The following DOK2 variants were observed in gnomAD, a reference collection of about 807,000 sequenced individuals.
DOK2 encodes docking protein 2, also known as docking protein 2, 56kD.
In DOK2, 28 loss-of-function variants were observed where a neutral mutation model predicts 26.0. The ratio of observed to expected loss-of-function variants is 1.08; its 90% CI spans 0.80 to 1.48. The LOEUF (loss-of-function observed/expected upper bound fraction) is 1.48, where lower values mean the gene tolerates loss of function less well. Ranked by LOEUF, DOK2 falls within the 40% of genes most tolerant of loss-of-function variation. The probability of loss-of-function intolerance (pLI) is 0.00; values close to 1 mark genes in which losing one functional copy is unlikely to be tolerated. For synonymous variants in DOK2, 282 were observed against 236.9 expected (o/e 1.19, Z -1.75); for missense variants, 682 against 558.2 (o/e 1.22, Z -2.23).
In DOK2 at chr8:21,912,043, G is replaced by A. The variant is rs1189327116; in HGVS notation, c.346-55C>T. On this transcript the variant is annotated intron_variant, in intron 2 of 4. Transcript: ENST00000276420. ...TTCCCCGATCCCCAGGCCCCCCTCT[G>A]GCCCAGGCCTTCTTTCAGGCCACCT... The A allele has an allele frequency of 2.7e-5, 41 of 1,521,284 alleles. No individual in the cohort carries two copies. In the East Asian group the frequency reaches 9.8e-4, roughly 36 times the overall value. 94.2% of individuals were successfully genotyped at this position (1,521,284 alleles called of 1,614,324 possible).
At chr8:21,913,413 G>C in intron 1 of DOK2, 126 bp downstream of exon 1, 2 of 1,124,146 alleles carry the variant, frequency 1.8e-6, no homozygotes, top group Non-Finnish European at 2.5e-6. Flanking sequence ...GTTGAGCTCT[G>C]GGTCTAACTT....
intron 4 of DOK2, among the ~76,000 whole-genome samples, chr8:21,910,397 G>A (rs1444475254): frequency 1.3e-5 from 2 of 152,142 alleles, no homozygotes; most frequent in South Asian, 2.1e-4. Context: ...CAGAGACTTG[G>A]CTCTCTCCTC....
chr8:21,911,212 A>G (rs1485322346), intron 3 of DOK2: 2 of 252,548 alleles, frequency 7.9e-6, no homozygotes, highest in Non-Finnish European at 1.5e-5. Flanking sequence ...TCACAGCTGC[A>G]GGTGAAGCCT....
chr8:21,912,017 CT>C, intron 2 of DOK2, 29 bp from the exon 3 acceptor site: 1 of 1,539,974 alleles, frequency 6.5e-7, no homozygotes. Context: ...GTCTCATCAC[CT>C]TCCCCGATCC....
chr8:21,913,496 C>A (rs755354125), intron 1 of DOK2, 43 bp downstream of exon 1: 6 of 1,611,296 alleles, frequency 3.7e-6, no homozygotes, highest in Non-Finnish European at 4.2e-6. Context: ...TTCTAGCAGC[C>A]TCCCAGGCCC....
Position 21,909,417 on chromosome 8 carries a change from G to A in DOK2, c.1133C>T (p.Pro378Leu). The A allele has an allele frequency of 1.9e-6, 3 of 1,611,886 alleles. No homozygotes were observed. The highest frequency in any genetic ancestry group is 2.2e-5 in the South Asian group (2 of 90,882). ...WRRQATADRDPAGLQHVQPAG... is the reference protein window; with the variant it reads ...WRRQATADRDLAGLQHVQPAG... ...TGGCTGGACATGCTGGAGGCCAGCA[G>A]GGTCCCTGTCAGCTGTCGCCTGCCT... is the stretch of plus-strand genomic sequence containing the variant. Residue 378 changes from proline to leucine, a missense_variant, in exon 5 of 5, where the codon CCT (proline) becomes CTT (leucine). Coordinates refer to ENST00000276420, the MANE Select transcript of DOK2 (RefSeq NM_003974.4).
rs760515264 is a variant in DOK2, at chr8:21,912,498, A to G, written c.76T>C (p.Phe26Leu). 3.3e-6 allele frequency: 5 copies of G among 1,523,450 alleles called. No homozygotes were observed. In the East Asian group the frequency reaches 1.2e-4, roughly 37 times the overall value. 94.4% of individuals were successfully genotyped at this position (1,523,450 alleles called of 1,614,324 possible). A position where few individuals can be genotyped will look rare whatever the true frequency, so the allele number is the denominator to read the frequency against. The change falls in exon 2 of 5, where the codon TTC (phenylalanine) becomes CTC (leucine). Residue 26 changes from phenylalanine (F) to leucine (L), a missense_variant. Transcript: ENST00000276420. ...GACCCTCCATACAGTGAGGCGCCGA[A>G]GCGGCGCCATTTCTGTGCCAGAGGC... The part of the protein sequence containing the change: ...QQTFGKKWRR[F>L]GASLYGGSDC...
chr8:21,912,122 G>A, intron 2 of DOK2, 107 bp downstream of exon 2: 2 of 1,465,966 alleles, frequency 1.4e-6, no homozygotes, highest in Admixed American at 4.7e-5. Context: ...CATGGAGGAA[G>A]CACCCCATCA....
rs1357991578 is a variant in DOK2 at position 21,912,328 on chromosome 8, A to G, written c.246T>C (p.Ser82=). 10 of 1,607,380 alleles carry G rather than the reference A, an allele frequency of 6.2e-6. No individual in the cohort carries two copies. The highest frequency in any genetic ancestry group is 8.5e-6 in the Non-Finnish European group (10 of 1,178,386). ...GGEASSPRDT[S]AFFLETKERL... ...GCTCCTTGGTCTCCAGGAAGAAGGCACTGGTGTCCCGGGGGCTGCTGGCCT... is the reference window on the plus strand; with the variant it reads ...GCTCCTTGGTCTCCAGGAAGAAGGCGCTGGTGTCCCGGGGGCTGCTGGCCT... The change falls in exon 2 of 5, where the codon AGT becomes AGC. Residue 82 remains serine, a synonymous_variant. Coordinates refer to ENST00000276420, the MANE Select transcript of DOK2 (RefSeq NM_003974.4).
Position 21,910,811 on chromosome 8 carries a change from G to A in DOK2, c.480C>T (p.Ala160=), listed in dbSNP as rs1585397819. The change falls in exon 4 of 5, where the codon GCC becomes GCT. Residue 160 remains alanine (A), a synonymous_variant. Transcript: ENST00000276420. ...ACCCCCGCAGGTGGCACCTCTCACTGGCTTCTGTAGGTCTCATGGTCACAG... is the reference window on the plus strand; with the variant it reads ...ACCCCCGCAGGTGGCACCTCTCACTAGCTTCTGTAGGTCTCATGGTCACAG... ...EFAVTMRPTE[A]SERCHLRGSY... is the part of the protein sequence containing the mutation. 2 of 1,613,740 alleles carry A rather than the reference G, an allele frequency of 1.2e-6. No homozygotes were observed. Among genetic ancestry groups the A allele is most frequent in the Non-Finnish European group, 1.7e-6 (2 of 1,179,862 alleles).
intron 1 of DOK2, 63 bp from the exon 2 acceptor site, chr8:21,912,573 G>C (rs2117208779): frequency 2.1e-6 from 3 of 1,438,508 alleles, no homozygotes; most frequent in East Asian, 2.5e-5. Flanking sequence ...GAGATCGTGA[G>C]CCAAGGGGAG....
intron 4 of DOK2, 38 bp from the exon 5 acceptor site, chr8:21,909,969 A>AG (rs753481660): frequency 5.9e-6 from 9 of 1,533,552 alleles, no homozygotes; most frequent in East Asian, 2.3e-5. Flanking sequence ...GCCAGGCCAC[A>AG]GGGCAGGGGT....
At position 21,909,839 on chromosome 8, in the gene DOK2, G is replaced by T; in HGVS notation, c.711C>A (p.Ala237=). 1 of 1,613,950 alleles carries T rather than the reference G, an allele frequency of 6.2e-7. No homozygotes were observed. The highest frequency in any genetic ancestry group is 2.2e-5 in the East Asian group (1 of 44,866). The change falls in exon 5 of 5, where the codon GCC becomes GCA. Residue 237 remains alanine, a synonymous_variant. Transcript: ENST00000276420. ...TCTGGGCAGAGATGGCCTCTTCCAG[G>T]GCCAAGAAGATCTCATTGCCTTGCC... The part of the protein sequence containing the change: ...ETRQGNEIFL[A]LEEAISAQKN...
intron 2 of DOK2, 76 bp from the exon 3 acceptor site, chr8:21,912,064 C>T: frequency 2.0e-6 from 3 of 1,500,994 alleles, no homozygotes; most frequent in Non-Finnish European, 2.7e-6. Flanking sequence ...TCTTTCAGGC[C>T]ACCTCAACCT....
At chr8:21,912,565 G>GAAGAGGA in intron 1 of DOK2, 55 bp from the exon 2 acceptor site, 1 of 1,447,482 alleles carries the variant, frequency 6.9e-7, no homozygotes. Flanking sequence ...GAGACGGGGA[G>GAAGAGGA]ATCGTGAGCC....
chr8:21,909,759 A>G lies in DOK2; in HGVS notation c.791T>C (p.Leu264Pro). The G allele has an allele frequency of 1.2e-6, 2 of 1,613,888 alleles. No individual in the cohort carries two copies. Residue 264 changes from leucine (L) to proline (P), a missense_variant, in exon 5 of 5, where the codon CTG becomes CCG. Coordinates refer to ENST00000276420, the MANE Select transcript of DOK2 (RefSeq NM_003974.4). ...QPQPATIPAS[L>P]PRPDSPYSRP... Reference sequence around the variant, plus strand: ...AGAGTAGGGGCTATCAGGCCGGGGCAGCGACGCGGGGATTGTGGCTGGCTG... The same window carrying G: ...AGAGTAGGGGCTATCAGGCCGGGGCGGCGACGCGGGGATTGTGGCTGGCTG...
chr8:21,912,536 G>T, intron 1 of DOK2, 26 bp from the exon 2 acceptor site: 1 of 1,474,262 alleles, frequency 6.8e-7, no homozygotes, highest in South Asian at 1.3e-5. Flanking sequence ...GGGAGGCGGG[G>T]GCGGGAGGGA....
chr8:21,909,014 A>C lies in DOK2; in HGVS notation c.*297T>G. 1.1e-5 allele frequency: 3 copies of C among 271,252 alleles called. No individual in the cohort carries two copies. Among genetic ancestry groups the C allele is most frequent in the Non-Finnish European group, 2.1e-5 (3 of 144,170 alleles). 16.8% of individuals were successfully genotyped at this position (271,252 alleles called of 1,614,324 possible). On this transcript the variant is annotated 3_prime_UTR_variant, in exon 5 of 5. Coordinates refer to ENST00000276420, the MANE Select transcript of DOK2 (RefSeq NM_003974.4). Reference sequence around the variant, plus strand: ...CTTGCATAGCCAAGCAGCCCAAGCAATTGCTGACATCCTTTTGTCCTCTGC... The same window carrying C: ...CTTGCATAGCCAAGCAGCCCAAGCACTTGCTGACATCCTTTTGTCCTCTGC...
chr8:21,910,799 G>A lies in DOK2; in HGVS notation c.492C>T (p.Cys164=). The change falls in exon 4 of 5, where the codon TGC becomes TGT. Residue 164 remains cysteine, a synonymous_variant. Coordinates refer to ENST00000276420, the MANE Select transcript of DOK2 (RefSeq NM_003974.4). ...GGAGGGTATAGGACCCCCGCAGGTG[G>A]CACCTCTCACTGGCTTCTGTAGGTC... ...TMRPTEASER[C]HLRGSYTLRA... is the part of the protein sequence containing the mutation. 1 of 1,613,860 alleles carries A rather than the reference G, an allele frequency of 6.2e-7. No individual in the cohort carries two copies.
Sources: allele counts gnomAD v4.1 joint callset (sites outside exome capture counted in the v4.1 genomes callset), GRCh38; gene constraint gnomAD v4.1.1; transcripts MANE v1.5; gene names NCBI Gene and HGNC (gene_info 2026-07-23, HGNC 2026-07-21).